MARCHF1: variants seen among roughly 807,000 people sequenced by gnomAD.
The protein encoded by MARCHF1 is E3 ubiquitin-protein ligase MARCHF1.
MARCHF1 carries 40 observed loss-of-function variants against 54.2 expected under a neutral mutation model. The ratio of observed to expected loss-of-function variants is 0.74; its 90% CI spans 0.57 to 0.96. The LOEUF is 0.96. Ranked by LOEUF, MARCHF1 falls within the 40% of genes least tolerant of loss-of-function variation. The pLI, the probability that MARCHF1 is intolerant of heterozygous loss-of-function variation, is 0.00. For synonymous variants in MARCHF1, 236 were observed against 236.3 expected (o/e 1.00, Z 0.01); for missense variants, 586 against 656.5 (o/e 0.89, Z 1.17).
intron 1 of MARCHF1, among the ~76,000 whole-genome samples, chr4:164,274,454 T>C (rs1382885112): frequency 6.6e-6 from 1 of 152,050 alleles, no homozygotes; most frequent in Non-Finnish European, 1.5e-5. Context: ...GAGGAATTCA[T>C]ATGGATTAGC....
chr4:164,151,240 GC>G (rs1331728236), intron 1 of MARCHF1, among the ~76,000 whole-genome samples: 2 of 152,134 alleles, frequency 1.3e-5, no homozygotes, highest in African/African-American at 4.8e-5. Flanking sequence ...GAATAGGAGA[GC>G]TAAGACAGTT....
intron 1 of MARCHF1, among the ~76,000 whole-genome samples, chr4:164,242,112 G>C (rs1224972065): frequency 1.3e-5 from 2 of 151,890 alleles, no homozygotes; most frequent in African/African-American, 4.8e-5. Context: ...AGCTCGAACT[G>C]GGTGGAGCCC....
At chr4:163,912,049 T>C (rs544168057) in intron 3 of MARCHF1, among the ~76,000 whole-genome samples, 1 of 133,872 alleles carries the variant, frequency 7.5e-6, no homozygotes, top group Admixed American at 8.4e-5. Flanking sequence ...TGTTATTAAG[T>C]CATCAGGAAT....
chr4:163,797,193 T>C (rs1747941344), intron 4 of MARCHF1, among the ~76,000 whole-genome samples: 1 of 152,102 alleles, frequency 6.6e-6, no homozygotes, highest in South Asian at 2.1e-4. Flanking sequence ...ATTGAGTATA[T>C]ATTTATATTG....
At chr4:163,754,313 C>T (rs777787848) in intron 4 of MARCHF1, among the ~76,000 whole-genome samples, 4 of 152,174 alleles carry the variant, frequency 2.6e-5, no homozygotes, top group African/African-American at 9.7e-5. Context: ...GAAGGGGCTT[C>T]TCCCCTTTCA....
chr4:164,288,815 TTTTCCGAC>T (rs899504274), intron 1 of MARCHF1, among the ~76,000 whole-genome samples: 41 of 151,972 alleles, frequency 2.7e-4, no homozygotes, highest in African/African-American at 9.6e-4. Context: ...GAGGTGAGAG[TTTTCCGAC>T]TTTAATCTCA....
chr4:164,229,964 G>T (rs1268871026), intron 1 of MARCHF1, among the ~76,000 whole-genome samples: 1 of 152,138 alleles, frequency 6.6e-6, no homozygotes, highest in African/African-American at 2.4e-5. Context: ...TGAGATTTGT[G>T]CAGGGACACA....
At chr4:164,089,277 TGAAA>T (rs1755252318) in intron 2 of MARCHF1, among the ~76,000 whole-genome samples, 1 of 152,144 alleles carries the variant, frequency 6.6e-6, no homozygotes, top group Non-Finnish European at 1.5e-5. Flanking sequence ...GGTATACATA[TGAAA>T]GAGTTTTAGA....
intron 3 of MARCHF1, among the ~76,000 whole-genome samples, chr4:163,865,249 A>G (rs1437381338): frequency 6.6e-6 from 1 of 151,838 alleles, no homozygotes; most frequent in Non-Finnish European, 1.5e-5. Context: ...TTATGAACAC[A>G]CTTAAAGTGT....
chr4:163,850,704 C>T (rs539425838), intron 4 of MARCHF1, among the ~76,000 whole-genome samples: 2 of 152,174 alleles, frequency 1.3e-5, no homozygotes, highest in Non-Finnish European at 2.9e-5. Flanking sequence ...TTTGTCAAAA[C>T]TCTTGGCAAA....
intron 1 of MARCHF1, among the ~76,000 whole-genome samples, chr4:164,125,304 A>G (rs984821937): frequency 2.6e-5 from 4 of 152,152 alleles, no homozygotes; most frequent in African/African-American, 4.8e-5. Context: ...TAAAAACATT[A>G]TGAATAGGAC....
chr4:163,700,415 G>A (rs1217390659), intron 5 of MARCHF1, among the ~76,000 whole-genome samples: 1 of 151,976 alleles, frequency 6.6e-6, no homozygotes, highest in Non-Finnish European at 1.5e-5. Context: ...TGAGGCAGGA[G>A]AATCGCTTGA....
chr4:163,863,693 G>A (rs1032000077), intron 3 of MARCHF1, among the ~76,000 whole-genome samples: 15 of 151,960 alleles, frequency 9.9e-5, no homozygotes, highest in African/African-American at 1.9e-4. Context: ...CAAATATGCC[G>A]AGTGCCCCGA....
At chr4:164,020,492 T>A (rs1465392150) in intron 2 of MARCHF1, among the ~76,000 whole-genome samples, 1 of 152,210 alleles carries the variant, frequency 6.6e-6, no homozygotes, top group South Asian at 2.1e-4. Flanking sequence ...GAATATTAAC[T>A]GAGAAGTCTG....
chr4:163,924,467 G>C (rs1056431755), intron 3 of MARCHF1, among the ~76,000 whole-genome samples: 2 of 152,066 alleles, frequency 1.3e-5, no homozygotes, highest in Non-Finnish European at 2.9e-5. Context: ...ACAAGGAACA[G>C]TGAAAAAGAA....
At position 163,529,057 on chromosome 4, in the gene MARCHF1, A is replaced by C. The variant is rs1327956942; in HGVS notation, c.1340-11T>G. The C allele has an allele frequency of 1.2e-5, 19 of 1,583,344 alleles. No homozygotes were observed. The highest frequency in any genetic ancestry group is 1.5e-5 in the Non-Finnish European group (17 of 1,162,922). On this transcript the variant is annotated splice_polypyrimidine_tract_variant and intron_variant, in intron 9 of 9. Transcript: ENST00000514618. ...GCCATTCAAGGACACCTTTGAAATG[A>C]AAAAGAGAAAATGTTATCACCAAGT...
intron 3 of MARCHF1, among the ~76,000 whole-genome samples, chr4:163,906,936 G>A (rs2111324012): frequency 6.6e-6 from 1 of 151,140 alleles, no homozygotes; most frequent in Admixed American, 6.6e-5. Flanking sequence ...AATATTTTTT[G>A]CATCTTTTAC....
At chr4:164,328,316 T>C (rs1735335847) in intron 1 of MARCHF1, among the ~76,000 whole-genome samples, 1 of 152,194 alleles carries the variant, frequency 6.6e-6, no homozygotes, top group Non-Finnish European at 1.5e-5. Flanking sequence ...AGATTTATGA[T>C]TTTATTTATA....
At chr4:163,529,688 T>C (rs1738278777) in intron 9 of MARCHF1, 1 of 152,130 alleles carries the variant, frequency 6.6e-6, no homozygotes, top group South Asian at 2.1e-4. Flanking sequence ...ATCACACTTT[T>C]ATAGATGTCT....
Sources: gnomAD v4.1 joint callset for allele counts (sites outside exome capture counted in the v4.1 genomes callset) on GRCh38, gnomAD v4.1.1 for gene constraint, MANE v1.5 for transcripts, NCBI Gene and HGNC (gene_info 2026-07-23, HGNC 2026-07-21) for gene names.